Variants in LINGO1 observed in about 807,000 individuals in gnomAD.
The protein encoded by LINGO1 is leucine-rich repeat and immunoglobulin-like domain-containing nogo receptor-interacting protein 1.
A neutral mutation model predicts 37.3 loss-of-function variants in LINGO1; 11 were observed. That is an observed-to-expected ratio of 0.29 (90% confidence interval 0.19 to 0.49). LINGO1 has a LOEUF of 0.49. LINGO1 is among the 20% of genes least tolerant of loss of function. LINGO1 has a pLI of 0.99. For missense variants in LINGO1, 585 were observed against 878.2 expected, an observed-to-expected ratio of 0.67 and a Z score of 4.22; for synonymous variants, 387 against 403.0, an observed-to-expected ratio of 0.96 and a Z score of 0.48.
chr15:77,739,747 C>T (rs1435506872), intron 1 of LINGO1, among the ~76,000 whole-genome samples: 1 of 152,226 alleles, frequency 6.6e-6, no homozygotes, highest in Non-Finnish European at 1.5e-5. Context: ...TGAGGTGCTG[C>T]CAAAGACAGC....
intron 1 of LINGO1, among the ~76,000 whole-genome samples, chr15:77,630,291 G>A (rs1167698829): frequency 6.6e-6 from 1 of 151,996 alleles, no homozygotes; most frequent in East Asian, 1.9e-4. Context: ...ACAGGAACAC[G>A]CCCCAACCCC....
rs564768396 is a variant in LINGO1 at position 77,642,170 on chromosome 15, C to T, written c.-12-26270G>A. On this transcript the variant is annotated intron_variant, in intron 3 of 3. Coordinates refer to the LINGO1 transcript ENST00000559893. ...ATTAGATCAGGCCTAATGAGGCTTC[C>T]GTCTGCCTGGCTGTTTACGCTCCAT... 3.3e-5 allele frequency among the ~76,000 whole-genome samples: 5 copies of T among 152,296 alleles called. No individual in the cohort carries two copies. The South Asian group carries it at 6.2e-4, about 19-fold the overall frequency.
chr15:77,748,855 C>CTTATTTATTTAT (rs71145856), intron 1 of LINGO1, among the ~76,000 whole-genome samples: 210 of 128,774 alleles, frequency 1.6e-3, no homozygotes, highest in Middle Eastern at 4.3e-3. Flanking sequence ...GGCCCCTAGC[C>CTTATTTATTTAT]TTATTTATTT....
rs143872869 is a variant in LINGO1, at chr15:77,803,528, G to C, written c.-457-7475C>G. Reference sequence around the variant, plus strand: ...ATGAATGGGTTCTCACAGTGATATAGTTTGGATGTTCCCTCCAAATCTCAT... The same window carrying C: ...ATGAATGGGTTCTCACAGTGATATACTTTGGATGTTCCCTCCAAATCTCAT... On this transcript the variant is annotated intron_variant, in intron 1 of 5. Coordinates refer to the LINGO1 transcript ENST00000562933. Among the ~76,000 whole-genome samples the C allele has an allele frequency of 3.3e-3, 499 of 152,290 alleles. 2 individuals are homozygous for C. Among genetic ancestry groups the C allele is most frequent in the Non-Finnish European group, 5.9e-3 (399 of 68,024 alleles).
At chr15:77,743,877 G>A (rs1453465057) in intron 1 of LINGO1, among the ~76,000 whole-genome samples, 1 of 152,132 alleles carries the variant, frequency 6.6e-6, no homozygotes, top group Admixed American at 6.5e-5. Context: ...AGGCTCCCAT[G>A]GTGAGCGCCA....
upstream of LINGO1, among the ~76,000 whole-genome samples, chr15:77,701,115 G>A (rs1446499420): frequency 6.6e-6 from 1 of 152,190 alleles, no homozygotes; most frequent in African/African-American, 2.4e-5. Context: ...CTTGCCCAAG[G>A]TCAGGGGAAA....
upstream of LINGO1, among the ~76,000 whole-genome samples, chr15:77,636,607 G>A (rs1018369183): frequency 3.3e-5 from 5 of 152,150 alleles, no homozygotes; most frequent in African/African-American, 1.2e-4. Context: ...AAGTTAACTT[G>A]TTAACTTGCT....
intron 1 of LINGO1, among the ~76,000 whole-genome samples, chr15:77,749,094 G>T (rs1193640279): frequency 6.6e-6 from 1 of 151,756 alleles, no homozygotes; most frequent in African/African-American, 2.4e-5. Context: ...TTTTAGTAGA[G>T]ACGGGGTTTC....
chr15:77,757,510 T>C (rs534518141), intron 1 of LINGO1, among the ~76,000 whole-genome samples: 1 of 152,342 alleles, frequency 6.6e-6, no homozygotes, highest in East Asian at 1.9e-4. Flanking sequence ...CATTGGTCGA[T>C]GGGGATACTG....
At chr15:77,810,395 C>G (rs1009676811) in intron 1 of LINGO1, among the ~76,000 whole-genome samples, 15 of 151,944 alleles carry the variant, frequency 9.9e-5, no homozygotes, top group South Asian at 4.1e-4. Flanking sequence ...AGAGGGACAG[C>G]GAGGAGGGCA....
At chr15:77,796,736 G>GTTTTT in intron 1 of LINGO1, among the ~76,000 whole-genome samples, 1 of 149,500 alleles carries the variant, frequency 6.7e-6, no homozygotes, top group Non-Finnish European at 1.5e-5. Context: ...TAAAGAGGCA[G>GTTTTT]AGTCTTGCTC....
At chr15:77,623,502 G>T (rs976817882) in intron 1 of LINGO1, among the ~76,000 whole-genome samples, 1 of 152,246 alleles carries the variant, frequency 6.6e-6, no homozygotes, top group Non-Finnish European at 1.5e-5. Flanking sequence ...TTGCTGGCCA[G>T]TCTAATTTGG....
chr15:77,786,928 C>A (rs897837695), exon 1 of LINGO1: 3 of 152,310 alleles, frequency 2.0e-5, no homozygotes, highest in African/African-American at 7.2e-5. Context: ...CTCTCAGCTG[C>A]TGTGAAGATG....
intron 3 of LINGO1, among the ~76,000 whole-genome samples, chr15:77,653,848 T>C (rs2074814387): frequency 6.6e-6 from 1 of 152,170 alleles, no homozygotes; most frequent in Admixed American, 6.5e-5. Flanking sequence ...ATTTATTAGG[T>C]ACCTTCTGTG....
At chr15:77,685,002 C>A (rs935736357) in intron 2 of LINGO1, among the ~76,000 whole-genome samples, 3 of 150,224 alleles carry the variant, frequency 2.0e-5, no homozygotes, top group African/African-American at 7.4e-5. Flanking sequence ...CTGGGCCCAG[C>A]CTAGAAGGAT....
intron 2 of LINGO1, among the ~76,000 whole-genome samples, chr15:77,715,233 A>G (rs1217402585): frequency 2.0e-5 from 3 of 152,276 alleles, no homozygotes; most frequent in East Asian, 1.9e-4. Context: ...CTAGGAGGAA[A>G]TGGGGCAGCC....
rs2075977099 is a variant in LINGO1 at position 77,715,819 on chromosome 15, A to AC, written c.-195+19172dup. Among the ~76,000 whole-genome samples, 6 of 152,252 alleles carry AC rather than the reference A, an allele frequency of 3.9e-5. No homozygotes were observed. The South Asian group carries it at 1.2e-3, about 32-fold the overall frequency. On this transcript the variant is annotated intron_variant, in intron 2 of 3. Transcript: ENST00000561686. ...CACCCTCCTCTCCATTCATCTCAGG[A>AC]CAAGTGCTGGGACCACTTCCTCCAG...
At chr15:77,669,698 C>A (rs1011895993) in intron 3 of LINGO1, among the ~76,000 whole-genome samples, 2 of 152,174 alleles carry the variant, frequency 1.3e-5, no homozygotes, top group Non-Finnish European at 1.5e-5. Context: ...TAATCAAGGG[C>A]TGAAAACCTA....
chr15:77,725,217 G>A (rs1466793019), intron 2 of LINGO1, among the ~76,000 whole-genome samples: 1 of 152,206 alleles, frequency 6.6e-6, no homozygotes, highest in African/African-American at 2.4e-5. Context: ...GGGGTTGGGG[G>A]TTTCAGTTTT....
Sources: gnomAD v4.1 joint callset for allele counts (sites outside exome capture counted in the v4.1 genomes callset) on GRCh38, gnomAD v4.1.1 for gene constraint, MANE v1.5 for transcripts, NCBI Gene and HGNC (gene_info 2026-07-23, HGNC 2026-07-21) for gene names.